The following BTD variants were observed in gnomAD, a reference collection of about 807,000 sequenced individuals.
The protein encoded by BTD is biocytinase.
A neutral mutation model predicts 17.7 loss-of-function variants in BTD; 13 were observed. The ratio of observed to expected loss-of-function variants is 0.74; its 90% confidence interval spans 0.48 to 1.17. The LOEUF (loss-of-function observed/expected upper bound fraction) is 1.17. Among genes scored for constraint, BTD ranks in the 50% most tolerant of loss-of-function variants. The probability of loss-of-function intolerance (pLI) is 0.00; values close to 1 mark genes in which losing one functional copy is unlikely to be tolerated. For synonymous variants in BTD, 240 were observed against 245.2 expected (o/e 0.98, Z 0.20); for missense variants, 674 against 650.4 (o/e 1.04, Z -0.39).
At chr3:15,705,088 T>C (rs769039611) in intron 3 of BTD, among the ~76,000 whole-genome samples, 3 of 152,164 alleles carry the variant, frequency 2.0e-5, no homozygotes, top group Non-Finnish European at 4.4e-5. Context: ...ATTGGGTCTT[T>C]CGGATCCCAA....
chr3:15,611,172 C>T (rs898647748), intron 1 of BTD, among the ~76,000 whole-genome samples: 6 of 152,156 alleles, frequency 3.9e-5, no homozygotes, highest in Admixed American at 2.6e-4. Context: ...GGAGTGGTCA[C>T]GCGTCCACAC....
intron 1 of BTD, among the ~76,000 whole-genome samples, chr3:15,618,108 G>A (rs925105868): frequency 5.3e-5 from 8 of 152,124 alleles, no homozygotes; most frequent in South Asian, 2.1e-4. Context: ...GGCACACACC[G>A]CCTTGCCCAG....
In BTD at chr3:15,651,721, G is replaced by A. The variant is rs1036821303; in HGVS notation, c.*6233G>A. 6.6e-6 allele frequency among the ~76,000 whole-genome samples: 1 copy of A among 152,230 alleles called. No individual in the cohort carries two copies. The highest frequency in any genetic ancestry group is 1.5e-5 in the Non-Finnish European group (1 of 68,038). On this transcript the variant is annotated 3_prime_UTR_variant, in exon 4 of 4. Coordinates refer to ENST00000643237, the MANE Select transcript of BTD (RefSeq NM_001370658.1). ...TCTGGTTGGTGCTATCTAGAAGTCA[G>A]TGTTGGGGAGGTCACAGAACAGAAT... is the stretch of plus-strand genomic sequence containing the variant.
intron 3 of BTD, among the ~76,000 whole-genome samples, chr3:15,666,579 T>A (rs2065996843): frequency 6.6e-6 from 1 of 152,266 alleles, no homozygotes; most frequent in South Asian, 2.1e-4. Context: ...TGAGAAAGGT[T>A]ATTAAAGCCC....
intron 3 of BTD, chr3:15,678,189 T>A (rs1430474142): frequency 6.3e-7 from 1 of 1,593,726 alleles, no homozygotes; most frequent in Admixed American, 1.7e-5. Flanking sequence ...GAAAATACAA[T>A]TTTAAAGAAG....
intron 3 of BTD, among the ~76,000 whole-genome samples, chr3:15,661,257 C>T (rs1283274104): frequency 8.6e-6 from 1 of 115,938 alleles, no homozygotes; most frequent in Non-Finnish European, 1.7e-5. Flanking sequence ...CAGAGCTAGA[C>T]TCTGTCTCAA....
chr3:15,622,384 T>C (rs939344857), intron 1 of BTD, among the ~76,000 whole-genome samples: 6 of 152,260 alleles, frequency 3.9e-5, no homozygotes, highest in Admixed American at 3.3e-4. Context: ...TATTGATTTT[T>C]AGTTTAATTC....
At chr3:15,605,081 C>T (rs1285298065) in intron 1 of BTD, among the ~76,000 whole-genome samples, 2 of 152,210 alleles carry the variant, frequency 1.3e-5, no homozygotes, top group African/African-American at 4.8e-5. Flanking sequence ...TTTCGGCTGT[C>T]TTTACAGTAG....
chr3:15,718,568 C>G (rs2073341085), intron 4 of BTD, among the ~76,000 whole-genome samples: 1 of 151,944 alleles, frequency 6.6e-6, no homozygotes, highest in Admixed American at 6.6e-5. Context: ...TAAGTAGACA[C>G]TAACAGAATC....
chr3:15,689,954 A>G, intron 3 of BTD: 1 of 1,382,654 alleles, frequency 7.2e-7, no homozygotes, highest in Non-Finnish European at 9.7e-7. Flanking sequence ...AATATTATAT[A>G]TCAGAAATTG....
Position 15,644,172 on chromosome 3 carries a change from T to C in BTD, c.400-144T>C. On this transcript the variant is annotated intron_variant, in intron 3 of 3. Transcript: ENST00000643237. Reference sequence around the variant, plus strand: ...TCCACCACCACGCCCGGCTAATTTTTTGTATTTTTAGTTGAGATGGGGTTT... The same window carrying C: ...TCCACCACCACGCCCGGCTAATTTTCTGTATTTTTAGTTGAGATGGGGTTT... 3 of 818,782 alleles carry C rather than the reference T, an allele frequency of 3.7e-6. No homozygotes were observed. The South Asian group carries it at 5.2e-5, about 14-fold the overall frequency. 50.7% of individuals were successfully genotyped at this position (818,782 alleles called of 1,614,324 possible).
exon 4 of BTD, among the ~76,000 whole-genome samples, chr3:15,711,448 C>T (rs1184815774): frequency 6.6e-6 from 1 of 151,990 alleles, no homozygotes; most frequent in Admixed American, 6.6e-5. Flanking sequence ...TATTATTTAG[C>T]AATAAAAAGA....
intron 1 of BTD, among the ~76,000 whole-genome samples, chr3:15,630,877 C>CTTTGA (rs879303175): frequency 1.1e-4 from 16 of 152,106 alleles, no homozygotes; most frequent in Non-Finnish European, 2.2e-4. Context: ...GCTGCCCACG[C>CTTTGA]GAGAACCATT....
intron 1 of BTD, chr3:15,602,384 T>G (rs1031001341): frequency 2.2e-6 from 2 of 927,468 alleles, no homozygotes; most frequent in African/African-American, 1.8e-5. Context: ...TTTCCAAAAT[T>G]AGGAACTATG....
chr3:15,686,340 T>C, intron 3 of BTD: 1 of 1,450,454 alleles, frequency 6.9e-7, no homozygotes, highest in East Asian at 2.4e-5. Context: ...ATTTCAGTAA[T>C]TACATATAAT....
intron 1 of BTD, among the ~76,000 whole-genome samples, chr3:15,627,500 T>C (rs2065096004): frequency 6.6e-6 from 1 of 152,218 alleles, no homozygotes; most frequent in African/African-American, 2.4e-5. Flanking sequence ...AGTGTTGGGA[T>C]TACAGGCATT....
chr3:15,678,501 T>C, intron 3 of BTD: 1 of 583,878 alleles, frequency 1.7e-6, no homozygotes, highest in East Asian at 3.2e-5. Flanking sequence ...ATAGGCTCAA[T>C]GGAGCTTACT....
At chr3:15,670,413 A>G in intron 3 of BTD, 2 of 1,613,874 alleles carry the variant, frequency 1.2e-6, no homozygotes, top group Non-Finnish European at 1.7e-6. Context: ...ACTGTTTTTG[A>G]GGTGTTGGTA....
chr3:15,721,024 T>C (rs369155767), intron 4 of BTD: 1 of 1,613,930 alleles, frequency 6.2e-7, no homozygotes, highest in Non-Finnish European at 8.5e-7. Context: ...ATTCTTTTGA[T>C]TCACAATAGC....
Sources: allele counts gnomAD v4.1 joint callset (sites outside exome capture counted in the v4.1 genomes callset), GRCh38; gene constraint gnomAD v4.1.1; transcripts MANE v1.5; gene names NCBI Gene and HGNC (gene_info 2026-07-23, HGNC 2026-07-21).